The following ZNF622 variants were observed in gnomAD, a reference collection of about 807,000 sequenced individuals.
ZNF622 encodes the protein cytoplasmic 60S subunit biogenesis factor ZNF622.
ZNF622 carries 34 observed loss-of-function variants against 49.7 expected under a neutral mutation model. The ratio of observed to expected loss-of-function variants is 0.68; its 90% CI spans 0.52 to 0.91. The LOEUF (loss-of-function observed/expected upper bound fraction) is 0.91. ZNF622 is among the 40% of genes least tolerant of loss of function. The pLI is 0.00. For missense variants in ZNF622, 569 were observed against 616.4 expected, an observed-to-expected ratio of 0.92 and a Z score of 0.81; for synonymous variants, 209 against 228.7, an observed-to-expected ratio of 0.91 and a Z score of 0.78.
Position 16,465,509 on chromosome 5 carries a change from C to A in ZNF622, c.157G>T (p.Ala53Ser), listed in dbSNP as rs754767585. Reference sequence around the variant, plus strand: ...TCCTCCTCCGCGACGGCCCGCTGCGCCCGCACTCGCTCCTGGAAGCCCTCG... The same window carrying A: ...TCCTCCTCCGCGACGGCCCGCTGCGACCGCACTCGCTCCTGGAAGCCCTCG... ...TAEGFQERVR[A>S]QRAVAEEESK... The change falls in exon 1 of 6, where the codon GCG (alanine) becomes TCG (serine). Residue 53 changes from alanine to serine, a missense_variant. Coordinates refer to ENST00000308683, the MANE Select transcript of ZNF622 (RefSeq NM_033414.3). The surrounding 1 kb of genome is among the most constrained non-coding windows in gnomAD (Gnocchi z 6.2). The A allele has an allele frequency of 3.5e-5, 56 of 1,614,156 alleles. No homozygotes were observed. The South Asian group carries it at 5.9e-4, about 17-fold the overall frequency.
intron 4 of ZNF622, among the ~76,000 whole-genome samples, chr5:16,456,037 C>T (rs976055352): frequency 1.3e-5 from 2 of 152,212 alleles, no homozygotes; most frequent in African/African-American, 4.8e-5. Flanking sequence ...GTGAAGCATG[C>T]GACCTGTCCA....
At chr5:16,452,933 T>A (rs1425765045) in intron 5 of ZNF622, 80 bp downstream of exon 5, 3 of 1,315,234 alleles carry the variant, frequency 2.3e-6, no homozygotes, top group Non-Finnish European at 2.0e-6. Context: ...ATGGACAACA[T>A]AAATGGAAAC....
chr5:16,451,699 A>G lies in ZNF622; in HGVS notation c.1392T>C (p.Asn464=), dbSNP rs1371088022. 3 of 1,613,952 alleles carry G rather than the reference A, an allele frequency of 1.9e-6. No individual in the cohort carries two copies. The highest frequency in any genetic ancestry group is 2.2e-5 in the East Asian group (1 of 44,864). ...CCCGAAAGTGCATCTGCTTGGTGGC[A>G]TTGTTCTTCATTCCTGTCTTCAGCA... The part of the protein sequence containing the change: ...KWMLKTGMKN[N]ATKQMHFRVQ... The change falls in exon 6 of 6, where the codon AAT becomes AAC. Residue 464 remains asparagine, a synonymous_variant. Coordinates refer to ENST00000308683, the MANE Select transcript of ZNF622 (RefSeq NM_033414.3).
At chr5:16,461,162 A>T (rs994395894) in intron 3 of ZNF622, among the ~76,000 whole-genome samples, 2 of 152,384 alleles carry the variant, frequency 1.3e-5, no homozygotes, top group East Asian at 3.9e-4. Flanking sequence ...AAACAAATAC[A>T]GCAGCAAATG....
chr5:16,463,372 C>G lies in ZNF622; in HGVS notation c.887-102G>C. On this transcript the variant is annotated intron_variant, in intron 2 of 5. Transcript: ENST00000308683. The surrounding 1 kb of genome is among the most constrained non-coding windows in gnomAD (Gnocchi z 4.2). ...ACTCAAAAATCATTCACAAAATAAC[C>G]AAGCAATTATATCAAAGATTGATGA... 3 of 1,503,924 alleles carry G rather than the reference C, an allele frequency of 2.0e-6. No homozygotes were observed. The highest frequency in any genetic ancestry group is 2.7e-6 in the Non-Finnish European group (3 of 1,115,676). 93.2% of individuals were successfully genotyped at this position (1,503,924 alleles called of 1,614,324 possible).
intron 4 of ZNF622, among the ~76,000 whole-genome samples, chr5:16,454,621 G>C (rs1289565362): frequency 6.6e-6 from 1 of 152,040 alleles, no homozygotes. Context: ...TCTTATTTAA[G>C]GGTGAGGCAC....
chr5:16,451,551 G>A lies in ZNF622; in HGVS notation c.*106C>T, dbSNP rs1325885931. 1.3e-5 allele frequency: 18 copies of A among 1,433,362 alleles called. No homozygotes were observed. Among genetic ancestry groups the A allele is most frequent in the African/African-American group, 1.0e-4 (7 of 69,962 alleles). The allele number at this position is 1,433,362 out of a possible 1,614,324, so 88.8% of individuals were successfully genotyped here. Reference sequence around the variant, plus strand: ...CTAACTTTTATTATTAGGTCAGAACGAATGAAGTAGCAGCAAAAGGGTCTC... The same window carrying A: ...CTAACTTTTATTATTAGGTCAGAACAAATGAAGTAGCAGCAAAAGGGTCTC... On this transcript the variant is annotated 3_prime_UTR_variant, in exon 6 of 6. Coordinates refer to ENST00000308683, the MANE Select transcript of ZNF622 (RefSeq NM_033414.3).
intron 4 of ZNF622, among the ~76,000 whole-genome samples, chr5:16,453,743 G>A (rs1737976815): frequency 6.6e-6 from 1 of 151,836 alleles, no homozygotes; most frequent in Admixed American, 6.6e-5. Context: ...TATCCAGCAA[G>A]GGACATTGGG....
intron 3 of ZNF622, among the ~76,000 whole-genome samples, chr5:16,460,042 T>G (rs960203024): frequency 1.3e-5 from 2 of 152,186 alleles, no homozygotes; most frequent in African/African-American, 4.8e-5. Flanking sequence ...AGGACCTCCC[T>G]AGGATACTAA....
In ZNF622 at chr5:16,455,663, C is replaced by T. The variant is rs114344103; in HGVS notation, c.1163-2507G>A. Among the ~76,000 whole-genome samples the T allele has an allele frequency of 4.8e-3, 728 of 152,298 alleles. 5 individuals carry two copies. The highest frequency in any genetic ancestry group is 7.5e-3 in the Non-Finnish European group (511 of 68,014). On this transcript the variant is annotated intron_variant, in intron 4 of 5. Transcript: ENST00000308683. ...GTTCACTGTGATGTTCTATTTGTAACGTTAGGTCTGGACGCTCCAGGTTTG... is the reference window on the plus strand; with the variant it reads ...GTTCACTGTGATGTTCTATTTGTAATGTTAGGTCTGGACGCTCCAGGTTTG...
At chr5:16,452,954 A>G in intron 5 of ZNF622, 59 bp downstream of exon 5, 1 of 1,346,766 alleles carries the variant, frequency 7.4e-7, no homozygotes, top group East Asian at 2.7e-5. Flanking sequence ...AACTTTCCCC[A>G]GACCCCTTCT....
intron 4 of ZNF622, among the ~76,000 whole-genome samples, chr5:16,453,580 T>TAC: frequency 8.1e-6 from 1 of 122,726 alleles, no homozygotes; most frequent in Non-Finnish European, 1.7e-5. Flanking sequence ...TATATATATA[T>TAC]ATATATATAT....
chr5:16,459,438 A>T (rs1247459079), intron 3 of ZNF622, among the ~76,000 whole-genome samples: 1 of 151,636 alleles, frequency 6.6e-6, no homozygotes. Flanking sequence ...AAGATGAAAA[A>T]CTCTCCCTCA....
chr5:16,457,969 TCTC>T (rs1470751039), intron 4 of ZNF622, among the ~76,000 whole-genome samples: 1 of 152,186 alleles, frequency 6.6e-6, no homozygotes, highest in Non-Finnish European at 1.5e-5. Context: ...TTCTGTAGCT[TCTC>T]CTATTCTTAT....
chr5:16,460,115 T>C lies in ZNF622; in HGVS notation c.1050-1486A>G, dbSNP rs115294238. On this transcript the variant is annotated intron_variant, in intron 3 of 5. Transcript: ENST00000308683. ...TAACATTTGCATATAACCTAAATCATTGCATACTTTAAATCATCTCTATAT... is the reference window on the plus strand; with the variant it reads ...TAACATTTGCATATAACCTAAATCACTGCATACTTTAAATCATCTCTATAT... Among the ~76,000 whole-genome samples, 386 of 152,324 alleles carry C rather than the reference T, an allele frequency of 2.5e-3. 1 individual carries two copies. Among genetic ancestry groups the C allele is most frequent in the African/African-American group, 8.8e-3 (364 of 41,580 alleles).
intron 5 of ZNF622, 66 bp from the exon 6 acceptor site, chr5:16,451,850 C>A (rs1192324134): frequency 7.1e-6 from 11 of 1,557,174 alleles, no homozygotes; most frequent in Admixed American, 2.0e-5. Flanking sequence ...GAAAATCCAA[C>A]CTTGGCAGAG....
intron 4 of ZNF622, among the ~76,000 whole-genome samples, chr5:16,456,586 T>C (rs1219818707): frequency 6.6e-6 from 1 of 152,106 alleles, no homozygotes; most frequent in African/African-American, 2.4e-5. Context: ...TGAATCTAAA[T>C]AAGTTGAATC....
chr5:16,453,088 C>A lies in ZNF622; in HGVS notation c.1231G>T (p.Ala411Ser). The A allele has an allele frequency of 6.3e-7, 1 of 1,589,166 alleles. No homozygotes were observed. Among genetic ancestry groups the A allele is most frequent in the Non-Finnish European group, 8.6e-7 (1 of 1,165,040 alleles). Residue 411 changes from alanine (A) to serine (S), a missense_variant, in exon 5 of 6, where the codon GCA becomes TCA. Ala to Ser is a moderately conservative substitution (Grantham distance 99, BLOSUM62 1). Coordinates refer to ENST00000308683, the MANE Select transcript of ZNF622 (RefSeq NM_033414.3). ...ACGGCCTTCCGATTTTTGGCAACTGCCACAGCTCTTGACAAGCCAAATCGC... is the reference window on the plus strand; with the variant it reads ...ACGGCCTTCCGATTTTTGGCAACTGACACAGCTCTTGACAAGCCAAATCGC... ...KQRFGLSRAV[A>S]VAKNRKAVGR...
At chr5:16,458,057 C>T (rs1478766663) in intron 4 of ZNF622, among the ~76,000 whole-genome samples, 2 of 152,112 alleles carry the variant, frequency 1.3e-5, no homozygotes, top group Admixed American at 1.3e-4. Flanking sequence ...TATTCTTCAT[C>T]TTTTCATACC....
Sources: allele counts gnomAD v4.1 joint callset (sites outside exome capture counted in the v4.1 genomes callset), GRCh38; gene constraint gnomAD v4.1.1; non-coding constraint Gnocchi (gnomAD v3.1); transcripts MANE v1.5; gene names NCBI Gene and HGNC (gene_info 2026-07-23, HGNC 2026-07-21).